The following LLPH variants were observed in gnomAD, a reference collection of about 807,000 sequenced individuals.
The protein encoded by LLPH is LLP homolog, long-term synaptic facilitation factor.
In LLPH, 5 loss-of-function variants were observed where a neutral mutation model predicts 13.3. The ratio of observed to expected loss-of-function variants is 0.38; its 90% CI spans 0.20 to 0.79. LLPH has a LOEUF of 0.79. Ranked by LOEUF, LLPH falls within the 30% of genes least tolerant of loss-of-function variation. LLPH has a pLI of 0.45. For missense variants in LLPH, 129 were observed against 152.1 expected, an observed-to-expected ratio of 0.85 and a Z score of 0.80; for synonymous variants, 32 against 44.2, an observed-to-expected ratio of 0.72 and a Z score of 1.09.
chr12:66,117,140 G>T lies in LLPH; in HGVS notation c.*6700C>A, dbSNP rs2051433219. The T allele has an allele frequency of 6.6e-6, 1 of 152,064 alleles. No homozygotes were observed. Among genetic ancestry groups the T allele is most frequent in the African/African-American group, 2.4e-5 (1 of 41,398 alleles). 9.4% of individuals were successfully genotyped at this position (152,064 alleles called of 1,614,324 possible). A position where few individuals can be genotyped will look rare whatever the true frequency, so the allele number is the denominator to read the frequency against. ...TCAACCCAAATTCCAAGAACAGTTG[G>T]CCCTCTGTATCTATGAATTCTGCAT... is the stretch of plus-strand genomic sequence containing the variant. On this transcript the variant is annotated 3_prime_UTR_variant, in exon 3 of 3. Coordinates refer to ENST00000266604, the MANE Select transcript of LLPH (RefSeq NM_032338.4).
Position 66,128,762 on chromosome 12 carries a change from C to T in LLPH, c.211+134G>A. ...GGAAGGCTGAGGTGGGAAGAATCCG[C>T]TTCAGCTCAGGAATTCAAGGCTGCA... On this transcript the variant is annotated intron_variant, in intron 2 of 2. Coordinates refer to ENST00000266604, the MANE Select transcript of LLPH (RefSeq NM_032338.4). The T allele has an allele frequency of 4.6e-6, 3 of 658,312 alleles. No homozygotes were observed. The East Asian group carries it at 8.2e-5, about 18-fold the overall frequency. The allele number at this position is 658,312 out of a possible 1,614,324, so 40.8% of individuals were successfully genotyped here.
In LLPH at chr12:66,119,168, T is replaced by A. The variant is rs1666140344; in HGVS notation, c.*4672A>T. The A allele has an allele frequency of 6.6e-6, 1 of 152,234 alleles. No individual in the cohort carries two copies. Among genetic ancestry groups the A allele is most frequent in the African/African-American group, 2.4e-5 (1 of 41,452 alleles). The allele number at this position is 152,234 out of a possible 1,614,324, so 9.4% of individuals were successfully genotyped here. A position where few individuals can be genotyped will look rare whatever the true frequency, so the allele number is the denominator to read the frequency against. ...GTTAACCTTTCAAACTGTTTTCTCATCTGAAAATAGGGATAATTAAAGTAT... is the reference window on the plus strand; with the variant it reads ...GTTAACCTTTCAAACTGTTTTCTCAACTGAAAATAGGGATAATTAAAGTAT... On this transcript the variant is annotated 3_prime_UTR_variant, in exon 3 of 3. Coordinates refer to ENST00000266604, the MANE Select transcript of LLPH (RefSeq NM_032338.4).
chr12:66,129,625 TC>T (rs2051521954), intron 1 of LLPH, among the ~76,000 whole-genome samples: 1 of 152,156 alleles, frequency 6.6e-6, no homozygotes, highest in African/African-American at 2.4e-5. Context: ...GACATTGTGA[TC>T]CGCCCGCCTC....
chr12:66,123,778 A>G lies in LLPH; in HGVS notation c.*62T>C. The G allele has an allele frequency of 6.4e-7, 1 of 1,556,346 alleles. No homozygotes were observed. Among genetic ancestry groups the G allele is most frequent in the East Asian group, 2.3e-5 (1 of 44,310 alleles). ...TTGGTGGCAGTTGAAATCAAAGTAT[A>G]CATGTGTATACATTCTAATCCGTCA... On this transcript the variant is annotated 3_prime_UTR_variant, in exon 3 of 3. Transcript: ENST00000266604.
intron 2 of LLPH, among the ~76,000 whole-genome samples, chr12:66,126,465 C>A (rs1479546125): frequency 6.6e-6 from 1 of 151,302 alleles, no homozygotes; most frequent in Non-Finnish European, 1.5e-5. Context: ...GAAAAGAAAA[C>A]AGGATCAATC....
chr12:66,119,068 A>G lies in LLPH; in HGVS notation c.*4772T>C, dbSNP rs908438678. The G allele has an allele frequency of 2.6e-5, 4 of 152,148 alleles. No individual in the cohort carries two copies. The highest frequency in any genetic ancestry group is 9.7e-5 in the African/African-American group (4 of 41,422). The allele number at this position is 152,148 out of a possible 1,614,324, so 9.4% of individuals were successfully genotyped here. A position where few individuals can be genotyped will look rare whatever the true frequency, so the allele number is the denominator to read the frequency against. The stretch of plus-strand genomic sequence containing the variant: ...GTCTGTCTCTCTGTAGCTTTCCATC[A>G]TAGGTATTCATTCTATACTCTGGGA... On this transcript the variant is annotated 3_prime_UTR_variant, in exon 3 of 3. Transcript: ENST00000266604.
In LLPH at chr12:66,123,848, C is replaced by T; in HGVS notation, c.382G>A (p.Ala128Thr). The T allele has an allele frequency of 6.2e-7, 1 of 1,610,744 alleles. No homozygotes were observed. Among genetic ancestry groups the T allele is most frequent in the Non-Finnish European group, 8.5e-7 (1 of 1,179,794 alleles). ...TCCAAGGTTTTAAGAGTCTACCAGG[C>T]CAAACCCTTTGCCACTTTCACTGCT... ...AKAVKVAKGL[A>T]W The change falls in exon 3 of 3, where the codon GCC becomes ACC. Residue 128 changes from alanine to threonine, a missense_variant. Transcript: ENST00000266604.
chr12:66,127,937 G>A (rs2051508059), intron 2 of LLPH, among the ~76,000 whole-genome samples: 1 of 152,178 alleles, frequency 6.6e-6, no homozygotes, highest in South Asian at 2.1e-4. Flanking sequence ...TGTTAACGGT[G>A]GAGAGGATTC....
chr12:66,123,990 C>G lies in LLPH; in HGVS notation c.240G>C (p.Lys80Asn). 6.2e-7 allele frequency: 1 copy of G among 1,606,118 alleles called. No homozygotes were observed. Among genetic ancestry groups the G allele is most frequent in the South Asian group, 1.1e-5 (1 of 88,920 alleles). ...GGTCTAGAAGAGTCTTTTTGTTTCT[C>G]TTAATATCAGTCTCCATTTTCATGT... is the stretch of plus-strand genomic sequence containing the variant. ...KDDMKMETDI[K>N]RNKKTLLDQH... Residue 80 changes from lysine to asparagine, a missense_variant, in exon 3 of 3, where the codon AAG (lysine) becomes AAC (asparagine). By Grantham distance (94) the Lys-to-Asn change is moderately conservative. Transcript: ENST00000266604.
chr12:66,127,868 T>C (rs889163326), intron 2 of LLPH, among the ~76,000 whole-genome samples: 3 of 152,184 alleles, frequency 2.0e-5, no homozygotes, highest in Admixed American at 2.0e-4. Context: ...TCTATGCTGT[T>C]GGCAATGACC....
chr12:66,117,571 A>T lies in LLPH; in HGVS notation c.*6269T>A, dbSNP rs901737138. The T allele has an allele frequency of 2.6e-5, 4 of 152,268 alleles. No individual in the cohort carries two copies. The highest frequency in any genetic ancestry group is 9.6e-5 in the African/African-American group (4 of 41,470). The allele number at this position is 152,268 out of a possible 1,614,324, so 9.4% of individuals were successfully genotyped here. ...TTCATAATACTTGATAATAATGACT[A>T]CGGTTTATGGCTTTACTATACTTTT... is the stretch of plus-strand genomic sequence containing the variant. On this transcript the variant is annotated 3_prime_UTR_variant, in exon 3 of 3. Coordinates refer to ENST00000266604, the MANE Select transcript of LLPH (RefSeq NM_032338.4).
chr12:66,123,744 G>C lies in LLPH; in HGVS notation c.*96C>G. 7.7e-7 allele frequency: 1 copy of C among 1,305,912 alleles called. No individual in the cohort carries two copies. The highest frequency in any genetic ancestry group is 1.5e-5 in the African/African-American group (1 of 67,246). 80.9% of individuals were successfully genotyped at this position (1,305,912 alleles called of 1,614,324 possible). ...GCCAAGTTAAAATAGGAAAACAAAT[G>C]GTTTTCATTTGGTGGCAGTTGAAAT... On this transcript the variant is annotated 3_prime_UTR_variant, in exon 3 of 3. Coordinates refer to ENST00000266604, the MANE Select transcript of LLPH (RefSeq NM_032338.4).
rs1363719992 is a variant in LLPH, at chr12:66,118,412, C to T, written c.*5428G>A. 3 of 151,674 alleles carry T rather than the reference C, an allele frequency of 2.0e-5. No individual in the cohort carries two copies. The highest frequency in any genetic ancestry group is 6.6e-5 in the Admixed American group (1 of 15,220). The allele number at this position is 151,674 out of a possible 1,614,324, so 9.4% of individuals were successfully genotyped here. ...AGCAGTATACAGTCATGTCTGAGGC[C>T]TTCACATTCACTCATGGCTTACTCA... On this transcript the variant is annotated 3_prime_UTR_variant, in exon 3 of 3. Transcript: ENST00000266604.
chr12:66,130,273 C>A (rs930373613), intron 1 of LLPH, among the ~76,000 whole-genome samples: 5 of 152,172 alleles, frequency 3.3e-5, no homozygotes, highest in African/African-American at 1.2e-4. Context: ...GACCCTCTCC[C>A]CAGACTGTAG....
intron 1 of LLPH, among the ~76,000 whole-genome samples, chr12:66,129,622 T>G (rs1366816885): frequency 6.6e-6 from 1 of 152,158 alleles, no homozygotes; most frequent in African/African-American, 2.4e-5. Context: ...CCTGACATTG[T>G]GATCCGCCCG....
At chr12:66,126,442 A>G (rs539238996) in intron 2 of LLPH, among the ~76,000 whole-genome samples, 1 of 152,266 alleles carries the variant, frequency 6.6e-6, no homozygotes, top group South Asian at 2.1e-4. Flanking sequence ...CAAAATAAAT[A>G]GAAAACAGGA....
At position 66,120,968 on chromosome 12, in the gene LLPH, C is replaced by T. The variant is rs1478862942; in HGVS notation, c.*2872G>A. 1 of 152,136 alleles carries T rather than the reference C, an allele frequency of 6.6e-6. No homozygotes were observed. The highest frequency in any genetic ancestry group is 2.1e-4 in the South Asian group (1 of 4,828). The allele number at this position is 152,136 out of a possible 1,614,324, so 9.4% of individuals were successfully genotyped here. A position where few individuals can be genotyped will look rare whatever the true frequency, so the allele number is the denominator to read the frequency against. On this transcript the variant is annotated 3_prime_UTR_variant, in exon 3 of 3. Coordinates refer to ENST00000266604, the MANE Select transcript of LLPH (RefSeq NM_032338.4). ...TGTCAGTAAACTTCTCTTCAGCAGT[C>T]GCCTTTCCAGAGGCCATGTGACACT...
chr12:66,117,417 C>T lies in LLPH; in HGVS notation c.*6423G>A, dbSNP rs1161550809. On this transcript the variant is annotated 3_prime_UTR_variant, in exon 3 of 3. Coordinates refer to ENST00000266604, the MANE Select transcript of LLPH (RefSeq NM_032338.4). ...AGTAGAGCTGAAACATTCCTATGGC[C>T]CAGTGACACTGTAGCCATCTTAACA... The T allele has an allele frequency of 6.6e-6, 1 of 152,120 alleles. No individual in the cohort carries two copies. The highest frequency in any genetic ancestry group is 2.4e-5 in the African/African-American group (1 of 41,430). The allele number at this position is 152,120 out of a possible 1,614,324, so 9.4% of individuals were successfully genotyped here.
rs1439302979 is a variant in LLPH at position 66,121,229 on chromosome 12, A to T, written c.*2611T>A. 1 of 151,970 alleles carries T rather than the reference A, an allele frequency of 6.6e-6. No homozygotes were observed. The highest frequency in any genetic ancestry group is 2.4e-5 in the African/African-American group (1 of 41,350). The allele number at this position is 151,970 out of a possible 1,614,324, so 9.4% of individuals were successfully genotyped here. A position where few individuals can be genotyped will look rare whatever the true frequency, so the allele number is the denominator to read the frequency against. On this transcript the variant is annotated 3_prime_UTR_variant, in exon 3 of 3. Coordinates refer to ENST00000266604, the MANE Select transcript of LLPH (RefSeq NM_032338.4). Reference sequence around the variant, plus strand: ...CCCTGGCATTGGTCTCTACCTGACAATGCTGCCAAAATGTAAATAAGTGCC... The same window carrying T: ...CCCTGGCATTGGTCTCTACCTGACATTGCTGCCAAAATGTAAATAAGTGCC...
Sources: gnomAD v4.1 joint callset for allele counts (sites outside exome capture counted in the v4.1 genomes callset) on GRCh38, gnomAD v4.1.1 for gene constraint, MANE v1.5 for transcripts, NCBI Gene and HGNC (gene_info 2026-07-23, HGNC 2026-07-21) for gene names.